TMEM255A: variants seen among roughly 807,000 people sequenced by gnomAD.
TMEM255A encodes family with sequence similarity 70, member A.
A neutral mutation model predicts 23.5 loss-of-function variants in TMEM255A; 14 were observed. The observed-to-expected ratio is 0.60, with a 90% CI of 0.39 to 0.93. The LOEUF (loss-of-function observed/expected upper bound fraction) is 0.93, where lower values mean the gene tolerates loss of function less well. Among genes scored for constraint, TMEM255A ranks in the 40% least tolerant of loss-of-function variants. The pLI is 0.00. For missense variants in TMEM255A, 233 were observed against 261.7 expected, an observed-to-expected ratio of 0.89 and a Z score of 0.76; for synonymous variants, 104 against 100.3, an observed-to-expected ratio of 1.04 and a Z score of -0.22.
intron 3 of TMEM255A, among the ~76,000 whole-genome samples, chrX:120,291,944 C>T (rs1036498538): frequency 3.6e-5 from 4 of 111,209 alleles, no homozygotes; most frequent in African/African-American, 1.3e-4. Context: ...TTAAGACTTA[C>T]ATGTCAAGGA....
intron 4 of TMEM255A, among the ~76,000 whole-genome samples, chrX:120,288,985 G>A (rs1399200465): frequency 1.8e-5 from 2 of 111,926 alleles, no homozygotes; most frequent in Admixed American, 9.4e-5. Flanking sequence ...AGAAGGGTGA[G>A]TGAGAAGGTG....
At chrX:120,290,713 G>A (rs2057909024) in intron 4 of TMEM255A, among the ~76,000 whole-genome samples, 1 of 111,756 alleles carries the variant, frequency 8.9e-6, no homozygotes. Context: ...TCTGGTAGAG[G>A]GGCCTACATT....
At chrX:120,298,357 A>G (rs1442390594) in intron 2 of TMEM255A, among the ~76,000 whole-genome samples, 1 of 111,862 alleles carries the variant, frequency 8.9e-6, no homozygotes, top group Admixed American at 9.5e-5. Context: ...TCATACTACA[A>G]TTAGGTAAAC....
At chrX:120,266,578 C>A (rs1434741132) in intron 8 of TMEM255A, among the ~76,000 whole-genome samples, 1 of 112,047 alleles carries the variant, frequency 8.9e-6, no homozygotes, top group African/African-American at 3.2e-5. Flanking sequence ...TAACCATCAC[C>A]AGATGTATTA....
chrX:120,267,235 G>A (rs1194377011), intron 8 of TMEM255A, among the ~76,000 whole-genome samples: 4 of 112,100 alleles, frequency 3.6e-5, no homozygotes, highest in Non-Finnish European at 7.5e-5. Context: ...AACTTAATCA[G>A]ATTTTTAAGT....
chrX:120,279,877 T>C (rs1556020466), intron 6 of TMEM255A, among the ~76,000 whole-genome samples: 1 of 112,004 alleles, frequency 8.9e-6, no homozygotes, highest in Non-Finnish European at 1.9e-5. Flanking sequence ...GGCAACACAA[T>C]TCAAACCTTT....
At chrX:120,271,407 C>T (rs782061872) in intron 7 of TMEM255A, among the ~76,000 whole-genome samples, 28 of 111,763 alleles carry the variant, frequency 2.5e-4, no homozygotes, top group African/African-American at 9.1e-4. Flanking sequence ...ACAGTAATAC[C>T]TACCTCACAA....
intron 8 of TMEM255A, 67 bp from the exon 9 acceptor site, chrX:120,261,095 T>C: frequency 8.9e-7 from 1 of 1,128,281 alleles, no homozygotes; most frequent in Non-Finnish European, 1.2e-6. Context: ...GTCATTACTA[T>C]TTAAAAATGA....
At chrX:120,294,248 A>T (rs879974630) in intron 2 of TMEM255A, among the ~76,000 whole-genome samples, 197 bp from the exon 3 acceptor site, 4 of 108,758 alleles carry the variant, frequency 3.7e-5, no homozygotes, top group Admixed American at 9.8e-5. Context: ...TCCCGGCTAA[A>T]ACGGTGAAAC....
rs1660139638 is a variant in TMEM255A, at chrX:120,259,822, C to T, written c.*1048G>A. 1.8e-5 allele frequency: 2 copies of T among 111,596 alleles called. No homozygotes were observed. The highest frequency in any genetic ancestry group is 9.6e-5 in the Admixed American group (1 of 10,395). 9.2% of individuals were successfully genotyped at this position (111,596 alleles called of 1,213,427 possible). A position where few individuals can be genotyped will look rare whatever the true frequency, so the allele number is the denominator to read the frequency against. On this transcript the variant is annotated 3_prime_UTR_variant, in exon 9 of 9. Transcript: ENST00000371369. Reference sequence around the variant, plus strand: ...TTGGCTACGTTTGAGGTTTTGCAGACTTGAAGCGGCATTGTAACACTTTCA... The same window carrying T: ...TTGGCTACGTTTGAGGTTTTGCAGATTTGAAGCGGCATTGTAACACTTTCA...
intron 2 of TMEM255A, among the ~76,000 whole-genome samples, chrX:120,294,877 C>CT (rs1369874904): frequency 5.4e-5 from 6 of 110,435 alleles, no homozygotes; most frequent in African/African-American, 1.3e-4. Flanking sequence ...TTTTAAAAAT[C>CT]TTTTTTTTTG....
downstream of TMEM255A, chrX:120,254,561 A>G (rs782330264): frequency 6.8e-5 from 82 of 1,210,088 alleles, no homozygotes; most frequent in South Asian, 8.6e-4. Context: ...CACTTCTTCA[A>G]GAACCACTTT....
At chrX:120,251,451 C>T in the TMEM255A span, among the ~76,000 whole-genome samples, 1 of 109,651 alleles carries the variant, frequency 9.1e-6, no homozygotes, top group Admixed American at 9.6e-5. Context: ...TTCCCTGGTA[C>T]CCCATATTCC....
At chrX:120,257,073 A>C (rs1202380513), downstream of TMEM255A, 1 of 122,657 alleles carries the variant, frequency 8.2e-6, no homozygotes, top group African/African-American at 3.3e-5. Context: ...CAGTTCATGC[A>C]ATAATACAAG....
rs1258581038 is a variant in TMEM255A, at chrX:120,276,941, C to A, written c.619G>T (p.Val207Phe). 2 of 1,210,086 alleles carry A rather than the reference C, an allele frequency of 1.7e-6. No homozygotes were observed. The highest frequency in any genetic ancestry group is 3.5e-5 in the African/African-American group (2 of 57,206). ...GTGATGATGCCCAGGAACAGGCCAA[C>A]AATGTTGAGGATGGTGGCAGACCAG... ...LLWSATILNIVGLFLGIITAA... is the reference protein window; with the variant it reads ...LLWSATILNIFGLFLGIITAA... Residue 207 changes from valine (V) to phenylalanine (F), a missense_variant, in exon 7 of 9, where the codon GTT becomes TTT. By Grantham distance (50) the Val-to-Phe change is conservative (BLOSUM62 -1). Coordinates refer to ENST00000371369, the MANE Select transcript of TMEM255A (RefSeq NM_001104544.3).
chrX:120,308,805 C>T (rs782489312), intron 1 of TMEM255A, among the ~76,000 whole-genome samples: 1 of 112,452 alleles, frequency 8.9e-6, no homozygotes, highest in African/African-American at 3.2e-5. Context: ...GTCAAATTAC[C>T]ATCTTCTTAA....
downstream of TMEM255A, chrX:120,254,007 T>G: frequency 8.3e-7 from 1 of 1,209,683 alleles, no homozygotes; most frequent in Non-Finnish European, 1.1e-6. Context: ...TGTCATTTTT[T>G]GCTCCGAGAT....
chrX:120,291,407 A>T, intron 3 of TMEM255A, 67 bp from the exon 4 acceptor site: 1 of 913,275 alleles, frequency 1.1e-6, no homozygotes, highest in Non-Finnish European at 1.6e-6. Context: ...GGGACCAGGC[A>T]ATCCCCAAGA....
intron 6 of TMEM255A, among the ~76,000 whole-genome samples, chrX:120,280,649 T>A (rs1387838845): frequency 9.0e-6 from 1 of 111,060 alleles, no homozygotes; most frequent in Non-Finnish European, 1.9e-5. Flanking sequence ...CTGATTACTC[T>A]TCCTAAAACA....
Sources: gnomAD v4.1 joint callset for allele counts (sites outside exome capture counted in the v4.1 genomes callset) on GRCh38, gnomAD v4.1.1 for gene constraint, MANE v1.5 for transcripts, NCBI Gene and HGNC (gene_info 2026-07-23, HGNC 2026-07-21) for gene names.